The following CHRM3 variants were observed in gnomAD, a reference collection of about 807,000 sequenced individuals.
CHRM3 encodes muscarinic acetylcholine receptor M3.
In CHRM3, 11 loss-of-function variants were observed where a neutral mutation model predicts 41.8. The ratio of observed to expected loss-of-function variants is 0.26; its 90% CI spans 0.17 to 0.44. The LOEUF (loss-of-function observed/expected upper bound fraction) is 0.44. Among genes scored for constraint, CHRM3 ranks in the 20% least tolerant of loss-of-function variants. The pLI is 1.00. For missense variants in CHRM3, 571 were observed against 745.4 expected (o/e 0.77, Z 2.72); for synonymous variants, 297 against 301.4 (o/e 0.99, Z 0.15).
chr1:239,828,986 G>A (rs621060), intron 6 of CHRM3, among the ~76,000 whole-genome samples: 119,196 of 152,098 alleles, frequency 0.78, 48,426 homozygotes, highest in East Asian at 0.99. Flanking sequence ...CACTATGAGG[G>A]CTAGATCTGT....
At chr1:239,636,163 A>T (rs1467983757) in intron 4 of CHRM3, among the ~76,000 whole-genome samples, 1 of 152,204 alleles carries the variant, frequency 6.6e-6, no homozygotes, top group African/African-American at 2.4e-5. Context: ...TGGCGCATGC[A>T]CAATGAGAAA....
At chr1:239,525,016 A>G (rs1297370395) in intron 2 of CHRM3, among the ~76,000 whole-genome samples, 1 of 152,112 alleles carries the variant, frequency 6.6e-6, no homozygotes, top group Non-Finnish European at 1.5e-5. Flanking sequence ...TACTAACCGG[A>G]TTATATTATC....
intron 5 of CHRM3, among the ~76,000 whole-genome samples, chr1:239,809,033 T>G (rs1365648103): frequency 3.3e-4 from 47 of 141,258 alleles, no homozygotes; most frequent in Non-Finnish European, 5.0e-4. Context: ...TTTTTTTTTT[T>G]TTTTGAGACA....
Position 239,440,650 on chromosome 1 carries a change from A to G in CHRM3, c.-520-52059A>G, listed in dbSNP as rs895092157. On this transcript the variant is annotated intron_variant, in intron 1 of 6. Transcript: ENST00000676153. ...AGTTGGAGGACTATAAAGTATATTTATCATTAAAGTGATGTTTTCTTTGGT... is the reference window on the plus strand; with the variant it reads ...AGTTGGAGGACTATAAAGTATATTTGTCATTAAAGTGATGTTTTCTTTGGT... Among the ~76,000 whole-genome samples, 4 of 152,206 alleles carry G rather than the reference A, an allele frequency of 2.6e-5. No individual in the cohort carries two copies. In the East Asian group the frequency reaches 5.8e-4, roughly 22 times the overall value.
chr1:239,392,471 G>A (rs148720764), intron 1 of CHRM3, among the ~76,000 whole-genome samples: 47 of 152,240 alleles, frequency 3.1e-4, no homozygotes, highest in African/African-American at 8.9e-4. Context: ...CCATGACATC[G>A]TCTACCTTCT....
At position 239,693,640 on chromosome 1, in the gene CHRM3, G is replaced by A. The variant is rs145535574; in HGVS notation, c.-147+15352G>A. Reference sequence around the variant, plus strand: ...TAATTAGAAGAAACCTTAGAAATTGGATAGCCTTTCCTTGTAATTGTCTCT... The same window carrying A: ...TAATTAGAAGAAACCTTAGAAATTGAATAGCCTTTCCTTGTAATTGTCTCT... On this transcript the variant is annotated intron_variant, in intron 5 of 6. Coordinates refer to ENST00000676153, the MANE Select transcript of CHRM3 (RefSeq NM_001375978.1). Among the ~76,000 whole-genome samples the A allele has an allele frequency of 3.3e-3, 508 of 152,250 alleles. 5 individuals are homozygous for A. The highest frequency in any genetic ancestry group is 4.6e-3 in the Non-Finnish European group (311 of 68,014).
intron 4 of CHRM3, among the ~76,000 whole-genome samples, chr1:239,673,131 C>T (rs921308179): frequency 1.3e-5 from 2 of 152,102 alleles, no homozygotes; most frequent in Admixed American, 6.5e-5. Context: ...AGCTGGAGAA[C>T]GTGTCTGGGC....
intron 1 of CHRM3, among the ~76,000 whole-genome samples, chr1:239,454,848 T>C (rs1664803803): frequency 6.6e-6 from 1 of 152,170 alleles, no homozygotes; most frequent in Non-Finnish European, 1.5e-5. Flanking sequence ...GAAAAATTCC[T>C]ATCACCTAGT....
intron 2 of CHRM3, among the ~76,000 whole-genome samples, chr1:239,497,401 C>G (rs1002338571): frequency 6.6e-6 from 1 of 152,138 alleles, no homozygotes; most frequent in Non-Finnish European, 1.5e-5. Context: ...CCATACCACA[C>G]TGAGGATGTT....
intron 1 of CHRM3, among the ~76,000 whole-genome samples, chr1:239,407,417 T>TATATAGAGAGAG: frequency 2.2e-5 from 3 of 134,144 alleles, no homozygotes; most frequent in Non-Finnish European, 5.1e-5. Context: ...TATATATATA[T>TATATAGAGAGAG]AGAGAGAGAG....
chr1:239,688,730 A>G (rs61834821), intron 5 of CHRM3, among the ~76,000 whole-genome samples: 5,909 of 134,816 alleles, frequency 0.044, 248 homozygotes, highest in African/African-American at 0.094. Context: ...AATATAATAT[A>G]TAATATTATA....
rs550013629 is a variant in CHRM3, at chr1:239,482,182, G to T, written c.-520-10527G>T. Reference sequence around the variant, plus strand: ...TTCTGCCCCTGCCTCGGGTATGACAGTAACAGCCCAGAGACACCCACATGC... The same window carrying T: ...TTCTGCCCCTGCCTCGGGTATGACATTAACAGCCCAGAGACACCCACATGC... On this transcript the variant is annotated intron_variant, in intron 1 of 6. Coordinates refer to ENST00000676153, the MANE Select transcript of CHRM3 (RefSeq NM_001375978.1). Among the ~76,000 whole-genome samples the T allele has an allele frequency of 3.3e-5, 5 of 152,132 alleles. 1 individual carries two copies. The highest frequency in any genetic ancestry group is 2.0e-4 in the Admixed American group (3 of 15,284).
chr1:239,860,998 A>T (rs899486891), intron 6 of CHRM3, among the ~76,000 whole-genome samples: 26 of 152,196 alleles, frequency 1.7e-4, no homozygotes, highest in Non-Finnish European at 2.9e-4. Context: ...AGACCAAAGA[A>T]ATGTAATCTC....
chr1:239,878,724 G>T (rs1213143834), intron 6 of CHRM3, among the ~76,000 whole-genome samples: 1 of 152,108 alleles, frequency 6.6e-6, no homozygotes, highest in Non-Finnish European at 1.5e-5. Flanking sequence ...CAAAGGGGAT[G>T]ATTAAGACCA....
At chr1:239,552,140 T>A (rs1659889249) in intron 3 of CHRM3, among the ~76,000 whole-genome samples, 1 of 149,240 alleles carries the variant, frequency 6.7e-6, no homozygotes, top group Non-Finnish European at 1.5e-5. Flanking sequence ...ATGTATTTAA[T>A]ATATGATATA....
chr1:239,413,628 T>A (rs1400514845), intron 1 of CHRM3, among the ~76,000 whole-genome samples: 1 of 152,178 alleles, frequency 6.6e-6, no homozygotes, highest in East Asian at 1.9e-4. Context: ...CTACAATCAA[T>A]GTTATTTTGG....
chr1:239,401,160 T>C (rs1659939696), intron 1 of CHRM3, among the ~76,000 whole-genome samples: 1 of 152,164 alleles, frequency 6.6e-6, no homozygotes, highest in Non-Finnish European at 1.5e-5. Context: ...AAATACTGAT[T>C]ATCAAGGGTC....
At chr1:239,602,783 T>A (rs1424622722) in intron 3 of CHRM3, among the ~76,000 whole-genome samples, 1 of 152,200 alleles carries the variant, frequency 6.6e-6, no homozygotes, top group Non-Finnish European at 1.5e-5. Context: ...AAAATTTTTT[T>A]AATTATGGTA....
At chr1:239,738,472 G>A (rs576262607) in intron 5 of CHRM3, among the ~76,000 whole-genome samples, 1 of 152,202 alleles carries the variant, frequency 6.6e-6, no homozygotes, top group East Asian at 1.9e-4. Flanking sequence ...CAGGCTCAGG[G>A]GGGGTTTGGG....
Sources: gnomAD v4.1 joint callset for allele counts (sites outside exome capture counted in the v4.1 genomes callset) on GRCh38, gnomAD v4.1.1 for gene constraint, MANE v1.5 for transcripts, NCBI Gene and HGNC (gene_info 2026-07-23, HGNC 2026-07-21) for gene names.